The following DYM variants were observed in gnomAD, a reference collection of about 807,000 sequenced individuals.
DYM encodes the protein dyggve-Melchior-Clausen syndrome protein.
Under a neutral mutation model 93.1 loss-of-function variants are expected in DYM, and 78 were observed. The observed-to-expected ratio is 0.84, with a 90% CI of 0.70 to 1.01. The LOEUF (loss-of-function observed/expected upper bound fraction) is 1.01, where lower values mean the gene tolerates loss of function less well. Among genes scored for constraint, DYM ranks in the 50% least tolerant of loss-of-function variants. The pLI is 0.00. For synonymous variants in DYM, 321 were observed against 319.7 expected (o/e 1.00, Z -0.04); for missense variants, 789 against 845.0 (o/e 0.93, Z 0.82).
At chr18:49,112,822 A>T (rs2081547740) in intron 16 of DYM, among the ~76,000 whole-genome samples, 2 of 152,036 alleles carry the variant, frequency 1.3e-5, no homozygotes, top group Non-Finnish European at 2.9e-5. Context: ...AGTTCCCCAT[A>T]ACTCCGTCCC....
At chr18:49,199,652 G>A (rs1458103128) in intron 14 of DYM, among the ~76,000 whole-genome samples, 3 of 152,188 alleles carry the variant, frequency 2.0e-5, no homozygotes, top group Non-Finnish European at 2.9e-5. Flanking sequence ...GAATTATTAC[G>A]ACAGTATCAT....
intron 8 of DYM, among the ~76,000 whole-genome samples, chr18:49,289,776 C>CATAT (rs368783117): frequency 3.7e-4 from 32 of 85,514 alleles, no homozygotes; most frequent in East Asian, 3.1e-3. Flanking sequence ...TATATATACA[C>CATAT]ATATATATAT....
At position 49,202,543 on chromosome 18, in the gene DYM, G is replaced by C. The variant is rs1600599748; in HGVS notation, c.1625+7008C>G. Among the ~76,000 whole-genome samples the C allele has an allele frequency of 5.3e-5, 7 of 132,864 alleles. No individual in the cohort carries two copies. The East Asian group carries it at 1.6e-3, about 30-fold the overall frequency. The allele number at this position is 132,864 out of a possible 152,430, so 87.2% of individuals were successfully genotyped here. The stretch of plus-strand genomic sequence containing the variant: ...GCCCGGCCGCCATCCCATCTAGGAA[G>C]TGAGGAGCGCCTCTTCCCAGCCGCC... On this transcript the variant is annotated intron_variant, in intron 14 of 17. Coordinates refer to ENST00000675505, the MANE Select transcript of DYM (RefSeq NM_001353214.3).
rs1034781152 is a variant in DYM, at chr18:49,348,999, G to C, written c.494+14162C>G. ...GAAGTGGGCAGATGACTTGAGCACA[G>C]CAGTTCAAGACCAGGCTGGCCAACA... On this transcript the variant is annotated intron_variant, in intron 6 of 17. Transcript: ENST00000675505. 1.3e-4 allele frequency among the ~76,000 whole-genome samples: 20 copies of C among 149,814 alleles called. 1 individual carries two copies. Among genetic ancestry groups the C allele is most frequent in the Non-Finnish European group, 2.8e-4 (19 of 67,720 alleles).
intron 5 of DYM, among the ~76,000 whole-genome samples, chr18:49,372,860 A>G (rs80075222): frequency 0.095 from 14,391 of 152,216 alleles, 879 homozygotes; most frequent in East Asian, 0.31. Flanking sequence ...GTCAGTATGC[A>G]GACAGAATCA....
At chr18:49,130,955 C>T (rs1299829903) in intron 15 of DYM, among the ~76,000 whole-genome samples, 1 of 152,178 alleles carries the variant, frequency 6.6e-6, no homozygotes, top group African/African-American at 2.4e-5. Context: ...TGCCCTTGGG[C>T]AATTCACTGA....
chr18:49,156,219 C>A (rs905819888), intron 15 of DYM, among the ~76,000 whole-genome samples: 2 of 152,020 alleles, frequency 1.3e-5, no homozygotes, highest in African/African-American at 2.4e-5. Context: ...TAAGATTTTT[C>A]CCATTTAAAA....
In DYM at chr18:49,402,094, C is replaced by T. The variant is rs962630037; in HGVS notation, c.141-10449G>A. 9.2e-5 allele frequency among the ~76,000 whole-genome samples: 14 copies of T among 151,926 alleles called. 1 individual carries two copies. The highest frequency in any genetic ancestry group is 3.9e-4 in the East Asian group (2 of 5,178). On this transcript the variant is annotated intron_variant, in intron 2 of 17. Transcript: ENST00000675505. ...AGGAAGCTCTTAAACATTACCATTGCCACTTCTGGGCCATATTCTGTTTGC... is the reference window on the plus strand; with the variant it reads ...AGGAAGCTCTTAAACATTACCATTGTCACTTCTGGGCCATATTCTGTTTGC...
intron 13 of DYM, among the ~76,000 whole-genome samples, chr18:49,216,689 G>C: frequency 6.6e-6 from 1 of 152,168 alleles, no homozygotes. Context: ...CTGCAGCTGA[G>C]GGTCCTGTCT....
intron 10 of DYM, 39 bp downstream of exon 10, chr18:49,281,958 A>T: frequency 1.9e-6 from 3 of 1,596,260 alleles, no homozygotes; most frequent in Middle Eastern, 1.7e-4. Context: ...ATAATTAAAA[A>T]AAAATACAAA....
intron 17 of DYM, among the ~76,000 whole-genome samples, chr18:49,077,046 CCAATTA>C (rs2145044239): frequency 6.6e-6 from 1 of 152,280 alleles, no homozygotes; most frequent in Admixed American, 6.5e-5. Context: ...TTTCTGGTCT[CCAATTA>C]CAATTTAAAA....
At chr18:49,454,548 G>C (rs142379035) in intron 1 of DYM, among the ~76,000 whole-genome samples, 22 of 152,228 alleles carry the variant, frequency 1.4e-4, no homozygotes, top group African/African-American at 5.3e-4. Context: ...TAGACGTCAT[G>C]CATGATCGAA....
intron 17 of DYM, among the ~76,000 whole-genome samples, chr18:49,096,406 C>G: frequency 6.6e-6 from 1 of 152,242 alleles, no homozygotes; most frequent in East Asian, 1.9e-4. Context: ...ATTCATTAAG[C>G]AGTGGTTCTA....
chr18:49,308,151 G>A (rs2061378820), intron 8 of DYM, among the ~76,000 whole-genome samples: 1 of 152,030 alleles, frequency 6.6e-6, no homozygotes, highest in African/African-American at 2.4e-5. Flanking sequence ...GAAAAAGAAT[G>A]AGAAAGACCA....
chr18:49,454,685 G>A (rs2082821894), intron 1 of DYM, among the ~76,000 whole-genome samples: 1 of 151,708 alleles, frequency 6.6e-6, no homozygotes, highest in Non-Finnish European at 1.5e-5. Flanking sequence ...GGATCACGAG[G>A]TCAGGAGATC....
chr18:49,441,348 AT>A (rs1453097456), intron 1 of DYM, among the ~76,000 whole-genome samples: 1 of 84,128 alleles, frequency 1.2e-5, no homozygotes, highest in Non-Finnish European at 2.2e-5. Flanking sequence ...TATATAATTA[AT>A]ATATAATTAT....
At chr18:49,203,871 TAA>T (rs71165370) in intron 14 of DYM, among the ~76,000 whole-genome samples, 2,312 of 63,512 alleles carry the variant, frequency 0.036, 61 homozygotes, top group East Asian at 0.29. Context: ...TTTAAAAAAG[TAA>T]AAAAAAAAAA....
At chr18:49,080,375 C>T (rs1158602825) in intron 17 of DYM, among the ~76,000 whole-genome samples, 2 of 131,860 alleles carry the variant, frequency 1.5e-5, no homozygotes, top group Admixed American at 7.3e-5. Flanking sequence ...GGTGGCTGGC[C>T]GGGCGAGGGG....
At chr18:49,101,947 C>A (rs2080192158) in intron 16 of DYM, among the ~76,000 whole-genome samples, 1 of 152,170 alleles carries the variant, frequency 6.6e-6, no homozygotes, top group Non-Finnish European at 1.5e-5. Context: ...ACATTTGAGT[C>A]TTGCCTCTGA....
Sources: allele counts gnomAD v4.1 joint callset (sites outside exome capture counted in the v4.1 genomes callset), GRCh38; gene constraint gnomAD v4.1.1; transcripts MANE v1.5; gene names NCBI Gene and HGNC (gene_info 2026-07-23, HGNC 2026-07-21).